RBPMS: variants seen among roughly 807,000 people sequenced by gnomAD.
RBPMS encodes the protein RNA binding protein, mRNA processing factor, also known as RNA-binding protein with multiple splicing.
Under a neutral mutation model 26.8 loss-of-function variants are expected in RBPMS, and 7 were observed. The ratio of observed to expected loss-of-function variants is 0.26; its 90% CI spans 0.15 to 0.49. The LOEUF (loss-of-function observed/expected upper bound fraction) is 0.49. Ranked by LOEUF, RBPMS falls within the 20% of genes least tolerant of loss-of-function variation. RBPMS has a pLI of 0.98. For synonymous variants in RBPMS, 96 were observed against 93.3 expected, an observed-to-expected ratio of 1.03 and a Z score of -0.17; for missense variants, 186 against 250.0, an observed-to-expected ratio of 0.74 and a Z score of 1.73.
intron 1 of RBPMS, among the ~76,000 whole-genome samples, chr8:30,467,984 C>T (rs1442044308): frequency 7.1e-6 from 1 of 140,924 alleles, no homozygotes; most frequent in Non-Finnish European, 1.6e-5. Flanking sequence ...TCCTTTGATA[C>T]CTTTTTTTTT....
chr8:30,512,268 GCTT>G (rs888063819), intron 5 of RBPMS, among the ~76,000 whole-genome samples: 3 of 151,968 alleles, frequency 2.0e-5, no homozygotes, highest in African/African-American at 7.2e-5. Flanking sequence ...GTTTGTGTAT[GCTT>G]TTTTGTTTTT....
chr8:30,434,806 G>C (rs1812282614), intron 1 of RBPMS, among the ~76,000 whole-genome samples: 1 of 146,236 alleles, frequency 6.8e-6, no homozygotes, highest in Non-Finnish European at 1.5e-5. Context: ...CACACATTTA[G>C]TTCTCAAGAA....
rs1817517115 is a variant in RBPMS, at chr8:30,474,803, C to T, written c.91C>T (p.Leu31Phe). ...EEVRTLFVSGLPLDIKPRELY... is the reference protein window; with the variant it reads ...EEVRTLFVSGFPLDIKPRELY... ...GGTCCGGACCCTATTTGTCAGTGGC[C>T]TTCCTCTGGATATCAAACCTCGGGA... Residue 31 changes from leucine (L) to phenylalanine (F), a missense_variant, in exon 2 of 9, where the codon CTT becomes TTT. Leu to Phe is a conservative substitution (Grantham distance 22). Coordinates refer to ENST00000397323, the MANE Select transcript of RBPMS (RefSeq NM_001008710.3). 1 of 1,612,522 alleles carries T rather than the reference C, an allele frequency of 6.2e-7. No homozygotes were observed. The highest frequency in any genetic ancestry group is 1.1e-5 in the South Asian group (1 of 91,048).
intron 2 of RBPMS, among the ~76,000 whole-genome samples, chr8:30,476,843 AAGAGAGGGAGTG>A (rs1817752641): frequency 6.6e-6 from 1 of 152,094 alleles, no homozygotes. Context: ...GGGAGGGGTG[AAGAGAGGGAGTG>A]AAAGAGGGAG....
At chr8:30,436,780 A>G (rs1182494043) in intron 1 of RBPMS, among the ~76,000 whole-genome samples, 1 of 152,206 alleles carries the variant, frequency 6.6e-6, no homozygotes, top group East Asian at 1.9e-4. Flanking sequence ...TTTAAAAAGA[A>G]TTCGTTGTGT....
At chr8:30,515,231 C>G (rs1822180791) in intron 5 of RBPMS, among the ~76,000 whole-genome samples, 1 of 152,032 alleles carries the variant, frequency 6.6e-6, no homozygotes, top group Non-Finnish European at 1.5e-5. Context: ...CTTAGCCTCC[C>G]AAAGTGCTGG....
At chr8:30,555,449 T>C (rs939690190) in intron 6 of RBPMS, among the ~76,000 whole-genome samples, 3 of 152,214 alleles carry the variant, frequency 2.0e-5, no homozygotes, top group Admixed American at 6.5e-5. Context: ...GCAGACTAAA[T>C]GTCAGGGTCA....
At chr8:30,433,827 C>T (rs896783160) in intron 1 of RBPMS, among the ~76,000 whole-genome samples, 11 of 152,124 alleles carry the variant, frequency 7.2e-5, no homozygotes, top group African/African-American at 2.7e-4. Context: ...CCTGGAACTT[C>T]CATGTCCTGA....
chr8:30,567,635 ACATGATTTTAAATGCAG>A (rs2151097334), intron 8 of RBPMS, among the ~76,000 whole-genome samples: 2 of 123,282 alleles, frequency 1.6e-5, no homozygotes, highest in African/African-American at 5.5e-5. Flanking sequence ...TGCTGGTTAG[ACATGATTTTAAATGCAG>A]CAAGTCAACC....
At chr8:30,543,099 G>A (rs1241179340) in intron 5 of RBPMS, among the ~76,000 whole-genome samples, 2 of 152,142 alleles carry the variant, frequency 1.3e-5, no homozygotes, top group African/African-American at 2.4e-5. Context: ...AGGCCAACCA[G>A]CAACAGTATG....
intron 4 of RBPMS, among the ~76,000 whole-genome samples, chr8:30,503,973 CTATATAT>C (rs1224029347): frequency 6.6e-6 from 1 of 152,112 alleles, no homozygotes; most frequent in Non-Finnish European, 1.5e-5. Context: ...ACTGAAATTA[CTATATAT>C]TAAAGTGTGT....
chr8:30,530,313 G>A (rs1824073766), intron 5 of RBPMS, among the ~76,000 whole-genome samples: 1 of 152,206 alleles, frequency 6.6e-6, no homozygotes, highest in African/African-American at 2.4e-5. Flanking sequence ...AGGCTGACCT[G>A]AGTTTTGAAA....
In RBPMS at chr8:30,385,046, GC is replaced by G; in HGVS notation, c.-43del. On this transcript the variant is annotated 5_prime_UTR_variant, in exon 1 of 9. Coordinates refer to ENST00000397323, the MANE Select transcript of RBPMS (RefSeq NM_001008710.3). ...CAGTGGGCTAGCGCGCCCTCGCCCAGCCCCGCGCCCCAGCCCTGCCCGGCCC... is the reference window on the plus strand; with the variant it reads ...CAGTGGGCTAGCGCGCCCTCGCCCAGCCCGCGCCCCAGCCCTGCCCGGCCC... 1.4e-6 allele frequency: 2 copies of G among 1,451,966 alleles called. No individual in the cohort carries two copies. The highest frequency in any genetic ancestry group is 2.4e-5 in the Admixed American group (1 of 41,222). The allele number at this position is 1,451,966 out of a possible 1,614,324, so 89.9% of individuals were successfully genotyped here. A position where few individuals can be genotyped will look rare whatever the true frequency, so the allele number is the denominator to read the frequency against.
rs570090503 is a variant in RBPMS, at chr8:30,516,546, A to G, written c.397+12110A>G. Among the ~76,000 whole-genome samples the G allele has an allele frequency of 1.3e-3, 202 of 152,030 alleles. 3 individuals are homozygous for G. Among genetic ancestry groups the G allele is most frequent in the South Asian group, 0.012 (59 of 4,822 alleles). On this transcript the variant is annotated intron_variant, in intron 5 of 8. Transcript: ENST00000397323. ...CGTTCATATAGTACCTCCTTGGGAGACTCTACCCAAGTATCTTTCACAAAT... is the reference window on the plus strand; with the variant it reads ...CGTTCATATAGTACCTCCTTGGGAGGCTCTACCCAAGTATCTTTCACAAAT...
intron 1 of RBPMS, among the ~76,000 whole-genome samples, chr8:30,467,851 A>AT (rs1199972745): frequency 6.6e-6 from 1 of 152,220 alleles, no homozygotes; most frequent in Non-Finnish European, 1.5e-5. Context: ...ATTTGTTCTC[A>AT]TTTTTAAAGT....
intron 1 of RBPMS, among the ~76,000 whole-genome samples, chr8:30,463,451 G>A (rs1816167228): frequency 1.3e-5 from 2 of 152,188 alleles, no homozygotes; most frequent in Admixed American, 1.3e-4. Context: ...TCATCACGTG[G>A]ACCACCCCAT....
chr8:30,466,529 C>T (rs991718994), intron 1 of RBPMS, among the ~76,000 whole-genome samples: 1 of 152,010 alleles, frequency 6.6e-6, no homozygotes, highest in East Asian at 1.9e-4. Flanking sequence ...CTGACCAGAA[C>T]GAGACCCAAA....
intron 6 of RBPMS, chr8:30,545,174 A>G: frequency 7.7e-7 from 1 of 1,299,000 alleles, no homozygotes; most frequent in Non-Finnish European, 1.0e-6. Context: ...GAAACCCTGT[A>G]GAAAAGGAGA....
At chr8:30,410,153 C>CACACAA (rs1397916852) in intron 1 of RBPMS, among the ~76,000 whole-genome samples, 2 of 136,410 alleles carry the variant, frequency 1.5e-5, no homozygotes, top group Admixed American at 1.4e-4. Context: ...TACACACACA[C>CACACAA]ACACACACAC....
Sources: gnomAD v4.1 joint callset for allele counts (sites outside exome capture counted in the v4.1 genomes callset) on GRCh38, gnomAD v4.1.1 for gene constraint, MANE v1.5 for transcripts, NCBI Gene and HGNC (gene_info 2026-07-23, HGNC 2026-07-21) for gene names.